TRIM24: variants seen among roughly 807,000 people sequenced by gnomAD.
TRIM24 encodes tripartite motif containing 24.
A neutral mutation model predicts 123.9 loss-of-function variants in TRIM24; 29 were observed. The observed-to-expected ratio is 0.23, with a 90% confidence interval of 0.17 to 0.32. TRIM24 has a LOEUF of 0.32. Among genes scored for constraint, TRIM24 ranks in the 10% least tolerant of loss-of-function variants. TRIM24 has a pLI of 1.00. For synonymous variants in TRIM24, 456 were observed against 461.1 expected (o/e 0.99, Z 0.14); for missense variants, 932 against 1,295.3 (o/e 0.72, Z 4.31).
chr7:138,567,962 TACATTCCACAAA>T (rs769252565), intron 10 of TRIM24, among the ~76,000 whole-genome samples: 77 of 152,136 alleles, frequency 5.1e-4, no homozygotes, highest in Non-Finnish European at 2.8e-4. Context: ...AAATACAAGT[TACATTCCACAAA>T]ATAGAACAAT....
chr7:138,547,474 A>G (rs1797124847), intron 7 of TRIM24, among the ~76,000 whole-genome samples: 1 of 152,256 alleles, frequency 6.6e-6, no homozygotes, highest in South Asian at 2.1e-4. Flanking sequence ...TATATTTCAA[A>G]ACATGCTGTA....
intron 1 of TRIM24, among the ~76,000 whole-genome samples, chr7:138,466,205 G>A (rs1218031552): frequency 2.0e-5 from 3 of 152,112 alleles, no homozygotes; most frequent in African/African-American, 7.2e-5. Context: ...ATGTTGGCCA[G>A]GCTGGTCTTG....
intron 8 of TRIM24, among the ~76,000 whole-genome samples, chr7:138,553,163 G>A (rs980637106): frequency 2.0e-5 from 3 of 152,118 alleles, no homozygotes; most frequent in South Asian, 2.1e-4. Flanking sequence ...ATTTCTTAGA[G>A]CTGTCATTTA....
chr7:138,573,293 C>T (rs1797693017), intron 11 of TRIM24, among the ~76,000 whole-genome samples: 1 of 152,094 alleles, frequency 6.6e-6, no homozygotes. Flanking sequence ...GAAATAGCGT[C>T]CTCAATATTT....
intron 5 of TRIM24, among the ~76,000 whole-genome samples, chr7:138,527,824 A>G (rs1235056068): frequency 1.3e-5 from 2 of 152,242 alleles, no homozygotes; most frequent in South Asian, 2.1e-4. Context: ...AAACAGGAGG[A>G]TTTTATTGAG....
chr7:138,559,598 C>G (rs764919025), intron 9 of TRIM24, among the ~76,000 whole-genome samples: 1 of 152,180 alleles, frequency 6.6e-6, no homozygotes, highest in Non-Finnish European at 1.5e-5. Context: ...CAAGCTTCAG[C>G]CGTGCATAGA....
rs1056777719 is a variant in TRIM24 at position 138,585,143 on chromosome 7, G to A, written c.*192G>A. 4.8e-6 allele frequency: 2 copies of A among 412,934 alleles called. No homozygotes were observed. The highest frequency in any genetic ancestry group is 6.9e-5 in the South Asian group (1 of 14,446). 25.6% of individuals were successfully genotyped at this position (412,934 alleles called of 1,614,324 possible). On this transcript the variant is annotated 3_prime_UTR_variant, in exon 19 of 19. Transcript: ENST00000343526. ...TCTTATCACTAAGAAAGAAAGGAAA[G>A]AAGGAGATGAATAGAAGAAAGAAAA...
rs190107163 is a variant in TRIM24 at position 138,544,201 on chromosome 7, C to A, written c.1143+5398C>A. ...TCTACATTTCCTACCCACCTAGCCCCTAGTAACCACCATTCCAGTTTGTCT... is the reference window on the plus strand; with the variant it reads ...TCTACATTTCCTACCCACCTAGCCCATAGTAACCACCATTCCAGTTTGTCT... On this transcript the variant is annotated intron_variant, in intron 7 of 18. Transcript: ENST00000343526. 1.8e-4 allele frequency among the ~76,000 whole-genome samples: 28 copies of A among 152,278 alleles called. No individual in the cohort carries two copies. The East Asian group carries it at 5.4e-3, about 29-fold the overall frequency.
At position 138,506,586 on chromosome 7, in the gene TRIM24, G is replaced by A. The variant is rs530597463; in HGVS notation, c.483+2178G>A. 3.7e-4 allele frequency among the ~76,000 whole-genome samples: 56 copies of A among 152,346 alleles called. No individual in the cohort carries two copies. In the Middle Eastern group the frequency reaches 0.01, roughly 28 times the overall value. ...ATAAAATGATGATAATAGGACATGA[G>A]AGTTAAAGGGATTCTAATCCAAAGG... On this transcript the variant is annotated intron_variant, in intron 2 of 18. Transcript: ENST00000343526.
At chr7:138,534,679 A>G (rs1435929337) in intron 6 of TRIM24, among the ~76,000 whole-genome samples, 1 of 152,196 alleles carries the variant, frequency 6.6e-6, no homozygotes, top group Non-Finnish European at 1.5e-5. Flanking sequence ...GCTGAGAAGA[A>G]TGTATATTCT....
At chr7:138,499,210 C>G (rs1040294446) in intron 1 of TRIM24, among the ~76,000 whole-genome samples, 1 of 151,958 alleles carries the variant, frequency 6.6e-6, no homozygotes, top group Non-Finnish European at 1.5e-5. Context: ...CTCACTTTAT[C>G]TCTTGTAAAT....
chr7:138,566,963 T>G (rs1797547724), intron 9 of TRIM24, among the ~76,000 whole-genome samples: 1 of 152,232 alleles, frequency 6.6e-6, no homozygotes, highest in Admixed American at 6.5e-5. Context: ...TATTTTAGCT[T>G]TCTTATCTAT....
intron 7 of TRIM24, among the ~76,000 whole-genome samples, chr7:138,541,072 T>C (rs1796993703): frequency 6.6e-6 from 1 of 152,148 alleles, no homozygotes; most frequent in African/African-American, 2.4e-5. Flanking sequence ...ACTCCTGACC[T>C]CAAGTGATCC....
At chr7:138,490,772 C>A in intron 1 of TRIM24, 1 of 496,568 alleles carries the variant, frequency 2.0e-6, no homozygotes, top group Non-Finnish European at 4.0e-6. Context: ...ATTGGCAAGC[C>A]TTTTCTATGT....
intron 6 of TRIM24, among the ~76,000 whole-genome samples, chr7:138,532,583 G>C (rs529591834): frequency 3.4e-4 from 52 of 152,198 alleles, no homozygotes; most frequent in Middle Eastern, 3.4e-3. Flanking sequence ...TCTCTGTTTT[G>C]GTACCAGTAC....
intron 1 of TRIM24, among the ~76,000 whole-genome samples, chr7:138,468,940 T>C (rs1443211667): frequency 1.3e-5 from 2 of 152,220 alleles, no homozygotes; most frequent in African/African-American, 4.8e-5. Context: ...TGAACCATGA[T>C]CACAAAATAG....
intron 6 of TRIM24, among the ~76,000 whole-genome samples, chr7:138,534,676 A>G (rs566355990): frequency 6.6e-6 from 1 of 152,320 alleles, no homozygotes; most frequent in South Asian, 2.1e-4. Flanking sequence ...GGTGCTGAGA[A>G]GAATGTATAT....
intron 1 of TRIM24, among the ~76,000 whole-genome samples, chr7:138,478,725 A>C (rs1795459976): frequency 2.6e-5 from 4 of 152,224 alleles, no homozygotes. Flanking sequence ...AAGAAGGGGC[A>C]GGAGAGGGAA....
At chr7:138,578,566 GCGCA>G (rs200510299) in intron 14 of TRIM24, among the ~76,000 whole-genome samples, 1,674 of 132,086 alleles carry the variant, frequency 0.013, 26 homozygotes, top group African/African-American at 0.048. Context: ...GTGTGTGTGC[GCGCA>G]CGCACGAATG....
Sources: gnomAD v4.1 joint callset for allele counts (sites outside exome capture counted in the v4.1 genomes callset) on GRCh38, gnomAD v4.1.1 for gene constraint, MANE v1.5 for transcripts, NCBI Gene and HGNC (gene_info 2026-07-23, HGNC 2026-07-21) for gene names.